STRN: variants seen among roughly 807,000 people sequenced by gnomAD.
The protein encoded by STRN is striatin, also known as protein phosphatase 2 regulatory subunit B'''alpha.
In STRN, 53 loss-of-function variants were observed where a neutral mutation model predicts 96.3. The ratio of observed to expected loss-of-function variants is 0.55; its 90% CI spans 0.44 to 0.69. The LOEUF (loss-of-function observed/expected upper bound fraction) is 0.69, where lower values mean the gene tolerates loss of function less well. Ranked by LOEUF, STRN falls within the 30% of genes least tolerant of loss-of-function variation. The probability of loss-of-function intolerance (pLI) is 0.00; values close to 1 mark genes in which losing one functional copy is unlikely to be tolerated. For missense variants in STRN, 987 were observed against 963.9 expected, an observed-to-expected ratio of 1.02 and a Z score of -0.32; for synonymous variants, 428 against 355.9, an observed-to-expected ratio of 1.20 and a Z score of -2.28.
In STRN at chr2:36,848,312, G is replaced by T. The variant is rs1160084559; in HGVS notation, c.*1144C>A. The T allele has an allele frequency of 6.6e-6, 1 of 152,202 alleles. No homozygotes were observed. The highest frequency in any genetic ancestry group is 2.4e-5 in the African/African-American group (1 of 41,450). 9.4% of individuals were successfully genotyped at this position (152,202 alleles called of 1,614,324 possible). A position where few individuals can be genotyped will look rare whatever the true frequency, so the allele number is the denominator to read the frequency against. The stretch of plus-strand genomic sequence containing the variant: ...CAGGTTTCCAGGAGATTCTTACAGG[G>T]ATTAATAGAGGACTTCTAGGGTACA... On this transcript the variant is annotated 3_prime_UTR_variant, in exon 18 of 18. Transcript: ENST00000263918.
intron 7 of STRN, among the ~76,000 whole-genome samples, chr2:36,890,608 C>T (rs961153190): frequency 1.3e-5 from 2 of 151,370 alleles, no homozygotes; most frequent in African/African-American, 2.4e-5. Flanking sequence ...CTCAGCCTCC[C>T]GAGTAGCTGG....
chr2:36,946,015 G>A (rs1286689637), intron 1 of STRN, among the ~76,000 whole-genome samples: 1 of 151,656 alleles, frequency 6.6e-6, no homozygotes, highest in African/African-American at 2.4e-5. Flanking sequence ...CAAAGCTCTA[G>A]AGTTAATAGC....
intron 10 of STRN, among the ~76,000 whole-genome samples, chr2:36,873,584 GTTGA>G (rs1475212677): frequency 2.0e-5 from 3 of 151,972 alleles, no homozygotes; most frequent in Admixed American, 1.3e-4. Context: ...TAATAATAAT[GTTGA>G]TTGTGTTCAA....
intron 1 of STRN, among the ~76,000 whole-genome samples, chr2:36,940,707 G>C (rs573800344): frequency 6.6e-6 from 1 of 151,540 alleles, no homozygotes; most frequent in South Asian, 2.1e-4. Flanking sequence ...ATGGTGGCGG[G>C]GCGCCTGTAG....
At chr2:36,895,097 G>A (rs1669502974) in intron 6 of STRN, among the ~76,000 whole-genome samples, 2 of 151,834 alleles carry the variant, frequency 1.3e-5, no homozygotes, top group East Asian at 1.9e-4. Context: ...GGAGGCCGAG[G>A]TGGGTGGATC....
Position 36,841,948 on chromosome 2 carries a change from T to G in STRN, c.*7508A>C, listed in dbSNP as rs1403187027. 6.6e-6 allele frequency: 1 copy of G among 152,148 alleles called. No individual in the cohort carries two copies. The highest frequency in any genetic ancestry group is 2.4e-5 in the African/African-American group (1 of 41,436). The allele number at this position is 152,148 out of a possible 1,614,324, so 9.4% of individuals were successfully genotyped here. A position where few individuals can be genotyped will look rare whatever the true frequency, so the allele number is the denominator to read the frequency against. ...CCACAGGGTCAGTTGCTTCTCCTTT[T>G]TGGTAAGGTACTTCTTTCCCCACAC... is the stretch of plus-strand genomic sequence containing the variant. On this transcript the variant is annotated 3_prime_UTR_variant, in exon 18 of 18. Transcript: ENST00000263918.
chr2:36,927,495 T>G (rs1382260854), intron 1 of STRN, among the ~76,000 whole-genome samples: 16 of 112,010 alleles, frequency 1.4e-4, no homozygotes, highest in Non-Finnish European at 2.4e-4. Context: ...GGTGACAGAG[T>G]GAGACCCTAT....
At chr2:36,861,368 A>G in intron 12 of STRN, 115 bp from the exon 13 acceptor site, 3 of 1,333,176 alleles carry the variant, frequency 2.3e-6, no homozygotes, top group Non-Finnish European at 3.0e-6. Context: ...TGCTTTTTAT[A>G]AAAAATGAAA....
chr2:36,849,543 T>A lies in STRN; in HGVS notation c.2256A>T (p.Glu752Asp), dbSNP rs2148122681. The change falls in exon 18 of 18, where the codon GAA becomes GAT. Residue 752 changes from glutamate (E) to aspartate (D), a missense_variant. Transcript: ENST00000263918. ...QEFTAHRKKF[E>D]ESIHDVAFHP... The stretch of plus-strand genomic sequence containing the variant: ...GGAAAGCTACATCATGAATCGATTC[T>A]TCAAACTTTTTTCGATGAGCTGTGA... 1.2e-6 allele frequency: 2 copies of A among 1,614,186 alleles called. No individual in the cohort carries two copies.
Position 36,841,750 on chromosome 2 carries a change from C to T in STRN, c.*7706G>A, listed in dbSNP as rs1196852535. Reference sequence around the variant, plus strand: ...CCTAAAATATAATGAAAACTATTTCCTCTGACACTTTGCCATGGGGCTCTA... The same window carrying T: ...CCTAAAATATAATGAAAACTATTTCTTCTGACACTTTGCCATGGGGCTCTA... On this transcript the variant is annotated 3_prime_UTR_variant, in exon 18 of 18. Coordinates refer to ENST00000263918, the MANE Select transcript of STRN (RefSeq NM_003162.4). 6.6e-6 allele frequency: 1 copy of T among 152,180 alleles called. No individual in the cohort carries two copies. The highest frequency in any genetic ancestry group is 1.5e-5 in the Non-Finnish European group (1 of 68,040). 9.4% of individuals were successfully genotyped at this position (152,180 alleles called of 1,614,324 possible).
chr2:36,893,740 A>G lies in STRN; in HGVS notation c.931+158T>C, dbSNP rs570809706. Among the ~76,000 whole-genome samples, 7 of 152,336 alleles carry G rather than the reference A, an allele frequency of 4.6e-5. No individual in the cohort carries two copies. The South Asian group carries it at 1.4e-3, about 32-fold the overall frequency. On this transcript the variant is annotated intron_variant, in intron 7 of 17. Transcript: ENST00000263918. ...GGTAGTTATACAATGTTCCTTAAACATACACACACATTCACCCTGGATAAA... is the reference window on the plus strand; with the variant it reads ...GGTAGTTATACAATGTTCCTTAAACGTACACACACATTCACCCTGGATAAA...
In STRN at chr2:36,935,583, T is replaced by G. The variant is rs1156997801; in HGVS notation, c.235-10375A>C. 3.3e-5 allele frequency among the ~76,000 whole-genome samples: 5 copies of G among 152,228 alleles called. No homozygotes were observed. In the East Asian group the frequency reaches 7.7e-4, roughly 23 times the overall value. On this transcript the variant is annotated intron_variant, in intron 1 of 17. Transcript: ENST00000263918. ...AAGGCAGAAGCCTTCATTCATGCAC[T>G]CAACATAAAATAATTAAGTGCCTAC...
At chr2:36,857,820 A>G (rs911559460) in intron 14 of STRN, 36 bp downstream of exon 14, 1 of 1,556,000 alleles carries the variant, frequency 6.4e-7, no homozygotes, top group Non-Finnish European at 8.8e-7. Flanking sequence ...ACTGTTTTAT[A>G]GAGGATTCAG....
chr2:36,930,451 C>T (rs1372935289), intron 1 of STRN, among the ~76,000 whole-genome samples: 1 of 151,070 alleles, frequency 6.6e-6, no homozygotes, highest in Non-Finnish European at 1.5e-5. Context: ...AAAAAAGTGT[C>T]ATTATCATTT....
intron 10 of STRN, among the ~76,000 whole-genome samples, chr2:36,872,263 G>A (rs566369818): frequency 6.6e-6 from 1 of 152,150 alleles, no homozygotes; most frequent in Admixed American, 6.5e-5. Context: ...ACTCACACTG[G>A]GGGGAGCCAG....
Position 36,966,536 on chromosome 2 carries a change from C to T in STRN, c.-73G>A. ...GCAACAGCGGCGGCAAGCAGCGCCT[C>T]CTCCTCCCTCCGCCGCTCCCGCCCA... is the stretch of plus-strand genomic sequence containing the variant. On this transcript the variant is annotated 5_prime_UTR_variant, in exon 1 of 18. Transcript: ENST00000263918. 7.5e-7 allele frequency: 1 copy of T among 1,340,510 alleles called. No homozygotes were observed. Among genetic ancestry groups the T allele is most frequent in the Non-Finnish European group, 9.5e-7 (1 of 1,050,482 alleles). The allele number at this position is 1,340,510 out of a possible 1,614,324, so 83.0% of individuals were successfully genotyped here.
chr2:36,933,025 C>A (rs1670612536), intron 1 of STRN, among the ~76,000 whole-genome samples: 1 of 150,408 alleles, frequency 6.6e-6, no homozygotes, highest in Non-Finnish European at 1.5e-5. Context: ...CTTATGTTTG[C>A]TCAAAGGGCT....
chr2:36,905,358 G>C (rs563146861), intron 4 of STRN, among the ~76,000 whole-genome samples, 182 bp downstream of exon 4: 1 of 152,094 alleles, frequency 6.6e-6, no homozygotes, highest in Non-Finnish European at 1.5e-5. Flanking sequence ...TTTTAACTAC[G>C]TAAGTTCTAC....
At chr2:36,960,865 CTCTATATCCATGTATTTT>C (rs754313434) in intron 1 of STRN, among the ~76,000 whole-genome samples, 1 of 152,024 alleles carries the variant, frequency 6.6e-6, no homozygotes, top group Non-Finnish European at 1.5e-5. Flanking sequence ...TGCTCATTCT[CTCTATATCCATGTATTTT>C]TGTTTGTTTG....
Sources: gnomAD v4.1 joint callset for allele counts (sites outside exome capture counted in the v4.1 genomes callset) on GRCh38, gnomAD v4.1.1 for gene constraint, MANE v1.5 for transcripts, NCBI Gene and HGNC (gene_info 2026-07-23, HGNC 2026-07-21) for gene names.